Variants in INCENP observed in about 807,000 individuals in gnomAD.
INCENP encodes binds and activates aurora-B and -C in vivo and in vitro.
INCENP carries 43 observed loss-of-function variants against 107.3 expected under a neutral mutation model. The observed-to-expected ratio is 0.40, with a 90% CI of 0.31 to 0.52. The LOEUF is 0.52. INCENP is among the 20% of genes least tolerant of loss of function. The probability of loss-of-function intolerance (pLI) is 0.53; values close to 1 mark genes in which losing one functional copy is unlikely to be tolerated. For synonymous variants in INCENP, 488 were observed against 494.4 expected (o/e 0.99, Z 0.17); for missense variants, 1,089 against 1,250.9 (o/e 0.87, Z 1.95).
chr11:62,150,129 T>TACGGGATGGATCTGAATAGCG lies in INCENP; in HGVS notation c.2468_2488dup (p.Gly823_Asp829dup). The TACGGGATGGATCTGAATAGCG allele has an allele frequency of 2.5e-6, 4 of 1,613,996 alleles. No homozygotes were observed. Among genetic ancestry groups the TACGGGATGGATCTGAATAGCG allele is most frequent in the Non-Finnish European group, 2.5e-6 (3 of 1,179,982 alleles). On this transcript the variant is annotated inframe_insertion, in exon 18 of 19. Transcript: ENST00000394818. ...CCCTCCCAAGATCAACCCAGATAAC[T>TACGGGATGGATCTGAATAGCG]ACGGGATGGATCTGAATAGCGACGA...
At chr11:62,132,199 G>T (rs1163532666) in intron 4 of INCENP, among the ~76,000 whole-genome samples, 4 of 152,228 alleles carry the variant, frequency 2.6e-5, no homozygotes, top group Non-Finnish European at 5.9e-5. Flanking sequence ...TTGTTAGCTT[G>T]TGAGGAATTT....
Position 62,137,091 on chromosome 11 carries a change from C to T in INCENP, c.1064-741C>T, listed in dbSNP as rs967304381. ...GCTCTGGACCAGGCGCAGTGGCTCA[C>T]GCCTGTAATCCCAGCACTTTGGGAG... is the stretch of plus-strand genomic sequence containing the variant. On this transcript the variant is annotated intron_variant, in intron 4 of 18. Transcript: ENST00000394818. Among the ~76,000 whole-genome samples the T allele has an allele frequency of 3.3e-5, 5 of 152,110 alleles. 1 individual carries two copies. Among genetic ancestry groups the T allele is most frequent in the South Asian group, 2.1e-4 (1 of 4,830 alleles).
In INCENP at chr11:62,148,479, G is replaced by A. The variant is rs1176577640; in HGVS notation, c.2208G>A (p.Glu736=). The A allele has an allele frequency of 6.2e-7, 1 of 1,601,328 alleles. No homozygotes were observed. The highest frequency in any genetic ancestry group is 2.2e-5 in the East Asian group (1 of 44,464). The change falls in exon 16 of 19, where the codon GAG becomes GAA. Residue 736 remains glutamate, a synonymous_variant. Transcript: ENST00000394818. ...CAGGCTCTTGCTGGGTCCTCAGGGA[G>A]CTGCAGGAGCGGGAGAAGGCCCTGC... The part of the protein sequence containing the change: ...REQERLQAER[E]LQEREKALRL...
At chr11:62,134,438 A>G (rs980778082) in intron 4 of INCENP, among the ~76,000 whole-genome samples, 5 of 150,948 alleles carry the variant, frequency 3.3e-5, no homozygotes, top group Non-Finnish European at 7.4e-5. Context: ...TTATGAGGTT[A>G]TATCTATTGA....
At chr11:62,134,499 A>G (rs940196504) in intron 4 of INCENP, among the ~76,000 whole-genome samples, 1 of 152,018 alleles carries the variant, frequency 6.6e-6, no homozygotes, top group Non-Finnish European at 1.5e-5. Flanking sequence ...TATTTTAAAT[A>G]TTAATATTTT....
At position 62,139,013 on chromosome 11, in the gene INCENP, T is replaced by G; in HGVS notation, c.1291+8T>G. ...CCTCTGCAGGGCAGCAAGGTGAGGC[T>G]TCCTGACCTGCCGTGTGCAGTGCCC... On this transcript the variant is annotated splice_region_variant and intron_variant, in intron 7 of 18. Coordinates refer to ENST00000394818, the MANE Select transcript of INCENP (RefSeq NM_001040694.2). 1 of 1,596,600 alleles carries G rather than the reference T, an allele frequency of 6.3e-7. No homozygotes were observed. The highest frequency in any genetic ancestry group is 2.2e-5 in the East Asian group (1 of 44,792).
chr11:62,146,515 C>A, intron 14 of INCENP, 143 bp from the exon 15 acceptor site: 1 of 1,267,680 alleles, frequency 7.9e-7, no homozygotes, highest in Non-Finnish European at 1.1e-6. Context: ...GAGCCTTGCT[C>A]GGGATGTCCC....
chr11:62,151,823 C>A lies in INCENP; in HGVS notation c.2604C>A (p.Leu868=), dbSNP rs766180958. The change falls in exon 19 of 19, where the codon CTC becomes CTA. Residue 868 remains leucine (L), a synonymous_variant. Coordinates refer to ENST00000394818, the MANE Select transcript of INCENP (RefSeq NM_001040694.2). ...QYYHPPNLLE[L]FGTILPLDLE... Reference sequence around the variant, plus strand: ...ACCACCCACCGAACCTTCTGGAGCTCTTTGGAACCATTCTCCCACTGGACT... The same window carrying A: ...ACCACCCACCGAACCTTCTGGAGCTATTTGGAACCATTCTCCCACTGGACT... The A allele has an allele frequency of 5.6e-6, 9 of 1,614,176 alleles. No homozygotes were observed. The East Asian group carries it at 2.0e-4, about 36-fold the overall frequency.
intron 14 of INCENP, among the ~76,000 whole-genome samples, chr11:62,146,425 C>T (rs576606351): frequency 2.0e-5 from 3 of 152,340 alleles, no homozygotes; most frequent in East Asian, 3.9e-4. Flanking sequence ...AGTTTGGCTC[C>T]GAGGTTCCTT....
At chr11:62,131,563 C>T (rs1340500947) in intron 4 of INCENP, among the ~76,000 whole-genome samples, 1 of 152,130 alleles carries the variant, frequency 6.6e-6, no homozygotes, top group African/African-American at 2.4e-5. Flanking sequence ...GCAGAGGGAA[C>T]AGCTTGTACG....
At chr11:62,140,144 C>T (rs1282084445) in intron 7 of INCENP, 90 bp from the exon 8 acceptor site, 12 of 1,114,218 alleles carry the variant, frequency 1.1e-5, no homozygotes, top group Non-Finnish European at 1.6e-5. Context: ...GCCAAGGCTG[C>T]TGCCCAAGGA....
intron 15 of INCENP, among the ~76,000 whole-genome samples, 159 bp downstream of exon 15, chr11:62,147,061 A>G (rs141145157): frequency 0.019 from 2,956 of 152,262 alleles, 34 homozygotes; most frequent in Non-Finnish European, 0.028. Flanking sequence ...CCCATTGGCT[A>G]TGGGAGATCC....
chr11:62,150,672 A>C (rs139252717), intron 18 of INCENP, among the ~76,000 whole-genome samples: 50 of 152,280 alleles, frequency 3.3e-4, no homozygotes, highest in African/African-American at 1.1e-3. Flanking sequence ...TGAGGAGTGC[A>C]TGAGGCACTT....
chr11:62,143,829 G>A (rs1313017505), intron 11 of INCENP, among the ~76,000 whole-genome samples: 1 of 152,144 alleles, frequency 6.6e-6, no homozygotes, highest in African/African-American at 2.4e-5. Context: ...GCTTCCCTCT[G>A]GGTCCCAGCC....
At chr11:62,137,419 T>C (rs371481044) in intron 4 of INCENP, among the ~76,000 whole-genome samples, 13 of 152,262 alleles carry the variant, frequency 8.5e-5, no homozygotes, top group African/African-American at 1.7e-4. Flanking sequence ...TTGCTCACCA[T>C]TGGGGTCCTG....
At position 62,145,756 on chromosome 11, in the gene INCENP, G is replaced by A. The variant is rs564356212; in HGVS notation, c.1959+5G>A. On this transcript the variant is annotated splice_donor_5th_base_variant and intron_variant, in intron 14 of 18. Coordinates refer to ENST00000394818, the MANE Select transcript of INCENP (RefSeq NM_001040694.2). ...AGGCTCAGGTGGCTGCAGCAGGTGC[G>A]AGCACAGGTGGGCCTCAGGGAGGAG... is the stretch of plus-strand genomic sequence containing the variant. 6.4e-6 allele frequency: 10 copies of A among 1,550,908 alleles called. No homozygotes were observed. The highest frequency in any genetic ancestry group is 2.4e-5 in the East Asian group (1 of 41,174).
In INCENP at chr11:62,145,040, G is replaced by T; in HGVS notation, c.1664G>T (p.Arg555Leu). Residue 555 changes from arginine (R) to leucine (L), a missense_variant, in exon 12 of 19, where the codon CGC (arginine) becomes CTC (leucine). Physicochemically the swap from Arg to Leu is moderately radical, Grantham distance 102. Transcript: ENST00000394818. ...LRRKEEAEQL[R>L]RQKVEEDKRR... Reference sequence around the variant, plus strand: ...CGGAAGGAGGAGGCCGAGCAGCTGCGCAGGCAGAAGGTGGAGGAGGACAAG... The same window carrying T: ...CGGAAGGAGGAGGCCGAGCAGCTGCTCAGGCAGAAGGTGGAGGAGGACAAG... 6.2e-7 allele frequency: 1 copy of T among 1,611,980 alleles called. No individual in the cohort carries two copies. Among genetic ancestry groups the T allele is most frequent in the South Asian group, 1.1e-5 (1 of 90,918 alleles).
In INCENP at chr11:62,138,995, A is replaced by G. The variant is rs539416535; in HGVS notation, c.1281A>G (p.Ala427=). The G allele has an allele frequency of 2.5e-6, 4 of 1,613,010 alleles. No homozygotes were observed. The highest frequency in any genetic ancestry group is 3.4e-6 in the Non-Finnish European group (4 of 1,179,084). ...PAASSPETPS[A]GQQEAKTDQA... is the part of the protein sequence containing the mutation. ...CCAGCAGCCCGGAAACACCCTCTGCAGGGCAGCAAGGTGAGGCTTCCTGAC... is the reference window on the plus strand; with the variant it reads ...CCAGCAGCCCGGAAACACCCTCTGCGGGGCAGCAAGGTGAGGCTTCCTGAC... Residue 427 remains alanine, a synonymous_variant, in exon 7 of 19, where the codon GCA becomes GCG. Transcript: ENST00000394818.
At chr11:62,134,286 G>A (rs535421748) in intron 4 of INCENP, among the ~76,000 whole-genome samples, 1 of 152,082 alleles carries the variant, frequency 6.6e-6, no homozygotes, top group Non-Finnish European at 1.5e-5. Flanking sequence ...GGTGGCATGT[G>A]CCTGTAGTCC....
Sources: allele counts gnomAD v4.1 joint callset (sites outside exome capture counted in the v4.1 genomes callset), GRCh38; gene constraint gnomAD v4.1.1; transcripts MANE v1.5; gene names NCBI Gene and HGNC (gene_info 2026-07-23, HGNC 2026-07-21).